Variants in NR3C1 observed in about 807,000 individuals in gnomAD.
The protein encoded by NR3C1 is glucocorticoid receptor.
A neutral mutation model predicts 74.0 loss-of-function variants in NR3C1; 14 were observed. That is an observed-to-expected ratio of 0.19 (90% CI 0.12 to 0.30). The LOEUF (loss-of-function observed/expected upper bound fraction) is 0.30. NR3C1 is among the 10% of genes least tolerant of loss of function. NR3C1 has a pLI of 1.00. For missense variants in NR3C1, 695 were observed against 909.8 expected (o/e 0.76, Z 3.04); for synonymous variants, 308 against 332.5 (o/e 0.93, Z 0.80).
chr5:143,333,008 C>T (rs371090423), intron 2 of NR3C1: 13 of 1,584,350 alleles, frequency 8.2e-6, no homozygotes, highest in African/African-American at 5.4e-5. Flanking sequence ...TGACAGACAA[C>T]ACAGTGATTG....
chr5:143,407,350 T>C (rs1246849460), upstream of NR3C1: 4 of 152,266 alleles, frequency 2.6e-5, no homozygotes, highest in Non-Finnish European at 5.9e-5. Context: ...TCCTCATTTT[T>C]ATTGTTTTGT....
At chr5:143,301,598 A>C (rs1020463391) in intron 4 of NR3C1, among the ~76,000 whole-genome samples, 45 of 152,256 alleles carry the variant, frequency 3.0e-4, no homozygotes, top group Non-Finnish European at 1.2e-4. Flanking sequence ...ACTTTTTAGT[A>C]GACTTATTCA....
At chr5:143,424,548 C>T (rs1751432789) in intron 1 of NR3C1, among the ~76,000 whole-genome samples, 2 of 151,940 alleles carry the variant, frequency 1.3e-5, no homozygotes, top group Non-Finnish European at 2.9e-5. Flanking sequence ...GAAAAAAAAC[C>T]CCTATATACT....
intron 2 of NR3C1, among the ~76,000 whole-genome samples, chr5:143,337,950 G>A (rs1033879344): frequency 2.0e-5 from 3 of 152,122 alleles, no homozygotes; most frequent in Admixed American, 6.5e-5. Context: ...GGCCTCCAAG[G>A]TATTGGCAAT....
upstream of NR3C1, chr5:143,406,920 C>G (rs1441692594): frequency 6.6e-6 from 1 of 152,142 alleles, no homozygotes; most frequent in Non-Finnish European, 1.5e-5. Flanking sequence ...ACAATTCTAA[C>G]GAAAGTCAAC....
upstream of NR3C1, among the ~76,000 whole-genome samples, chr5:143,408,563 A>T (rs1003129815): frequency 5.3e-5 from 8 of 150,944 alleles, no homozygotes; most frequent in Admixed American, 2.0e-4. Context: ...GAATATTTGC[A>T]TTATAATGAG....
At chr5:143,364,087 G>A (rs929202292) in intron 2 of NR3C1, among the ~76,000 whole-genome samples, 2 of 152,120 alleles carry the variant, frequency 1.3e-5, no homozygotes, top group African/African-American at 4.8e-5. Context: ...ACACCTAAAT[G>A]CATCACAATC....
intron 2 of NR3C1, among the ~76,000 whole-genome samples, chr5:143,397,138 TG>T (rs1483502576): frequency 6.6e-6 from 1 of 151,880 alleles, no homozygotes; most frequent in East Asian, 1.9e-4. Context: ...AGGAAGGAAT[TG>T]CCTCTTCCCA....
At chr5:143,370,615 G>A (rs574407027) in intron 2 of NR3C1, among the ~76,000 whole-genome samples, 6 of 152,284 alleles carry the variant, frequency 3.9e-5, no homozygotes, top group East Asian at 3.9e-4. Flanking sequence ...ATACCACACC[G>A]GTCCTCCCAG....
chr5:143,402,159 G>A (rs1349384634), intron 1 of NR3C1, among the ~76,000 whole-genome samples: 2 of 152,148 alleles, frequency 1.3e-5, no homozygotes, highest in African/African-American at 4.8e-5. Flanking sequence ...TCTCTGCCCC[G>A]TTTATCTGAG....
At chr5:143,418,574 A>G (rs1388930646) in intron 1 of NR3C1, among the ~76,000 whole-genome samples, 1 of 152,202 alleles carries the variant, frequency 6.6e-6, no homozygotes, top group African/African-American at 2.4e-5. Context: ...AGCTGGAGAT[A>G]GAGGTAAATA....
At chr5:143,376,438 T>C (rs1263064479) in intron 2 of NR3C1, among the ~76,000 whole-genome samples, 1 of 152,224 alleles carries the variant, frequency 6.6e-6, no homozygotes, top group East Asian at 1.9e-4. Flanking sequence ...GAGCTACCTC[T>C]ATATGTCCAC....
At chr5:143,302,284 G>T (rs951971343) in intron 4 of NR3C1, among the ~76,000 whole-genome samples, 5 of 152,046 alleles carry the variant, frequency 3.3e-5, no homozygotes, top group African/African-American at 9.7e-5. Context: ...ACCTCAACTT[G>T]CAGGAGAACA....
intron 2 of NR3C1, among the ~76,000 whole-genome samples, chr5:143,350,352 G>A (rs977829123): frequency 2.6e-5 from 4 of 152,106 alleles, no homozygotes; most frequent in African/African-American, 4.8e-5. Flanking sequence ...GGTTTGCGAG[G>A]TATTTATTTA....
intron 2 of NR3C1, among the ~76,000 whole-genome samples, chr5:143,370,246 T>C (rs1834005896): frequency 1.3e-5 from 2 of 152,192 alleles, no homozygotes; most frequent in African/African-American, 4.8e-5. Flanking sequence ...CAATGTATTA[T>C]GATTGCTCTC....
At chr5:143,358,227 T>G (rs1831531063) in intron 2 of NR3C1, among the ~76,000 whole-genome samples, 1 of 152,200 alleles carries the variant, frequency 6.6e-6, no homozygotes, top group Admixed American at 6.5e-5. Flanking sequence ...ATGTTTTTTC[T>G]TAATCATTCA....
chr5:143,311,375 T>C (rs938102464), intron 3 of NR3C1, among the ~76,000 whole-genome samples: 1 of 152,196 alleles, frequency 6.6e-6, no homozygotes, highest in Non-Finnish European at 1.5e-5. Context: ...CCAACTGAAA[T>C]GTCAGGATGT....
At chr5:143,432,004 C>T (rs1274887275) in intron 1 of NR3C1, among the ~76,000 whole-genome samples, 3 of 152,154 alleles carry the variant, frequency 2.0e-5, no homozygotes, top group East Asian at 1.9e-4. Flanking sequence ...CTGACAGGAG[C>T]GGAGTTTCAA....
chr5:143,289,241 A>G (rs1355937334), intron 7 of NR3C1, among the ~76,000 whole-genome samples: 1 of 152,196 alleles, frequency 6.6e-6, no homozygotes, highest in Non-Finnish European at 1.5e-5. Context: ...ATAGGCATAC[A>G]GATCATTGGG....
Sources: gnomAD v4.1 joint callset for allele counts (sites outside exome capture counted in the v4.1 genomes callset) on GRCh38, gnomAD v4.1.1 for gene constraint, MANE v1.5 for transcripts, NCBI Gene and HGNC (gene_info 2026-07-23, HGNC 2026-07-21) for gene names.